PI4KA: variants seen among roughly 807,000 people sequenced by gnomAD.
The protein encoded by PI4KA is PI4-kinase alpha.
In PI4KA, 122 loss-of-function variants were observed where a neutral mutation model predicts 271.4. The ratio of observed to expected loss-of-function variants is 0.45; its 90% CI spans 0.39 to 0.52. The LOEUF (loss-of-function observed/expected upper bound fraction) is 0.52. Among genes scored for constraint, PI4KA ranks in the 20% least tolerant of loss-of-function variants. The pLI is 0.00. For synonymous variants in PI4KA, 1,041 were observed against 1,078.8 expected (o/e 0.96, Z 0.69); for missense variants, 1,969 against 2,769.1 (o/e 0.71, Z 6.48).
In PI4KA at chr22:20,714,450, T is replaced by C; in HGVS notation, c.5461+8A>G. The C allele has an allele frequency of 6.2e-7, 1 of 1,608,706 alleles. No homozygotes were observed. Among genetic ancestry groups the C allele is most frequent in the Non-Finnish European group, 8.5e-7 (1 of 1,176,654 alleles). ...AGCTCCCAAACAAAATCAGGGTTCT[T>C]TACTGACCTTCTTTTTCAAGTTCAC... On this transcript the variant is annotated splice_region_variant and intron_variant, in intron 47 of 54. Transcript: ENST00000255882.
At chr22:20,770,669 G>A (rs2147429113) in intron 19 of PI4KA, among the ~76,000 whole-genome samples, 1 of 148,790 alleles carries the variant, frequency 6.7e-6, no homozygotes. Flanking sequence ...ACAGGGCAAA[G>A]GTTCCAAAAT....
intron 7 of PI4KA, among the ~76,000 whole-genome samples, chr22:20,818,039 T>C (rs1029411588): frequency 1.3e-5 from 2 of 151,906 alleles, no homozygotes; most frequent in Non-Finnish European, 2.9e-5. Flanking sequence ...GCAAGAGAAT[T>C]GCTTGAACCC....
intron 19 of PI4KA, among the ~76,000 whole-genome samples, chr22:20,780,494 G>A (rs934018705): frequency 1.3e-5 from 2 of 152,148 alleles, no homozygotes; most frequent in African/African-American, 2.4e-5. Context: ...TGGGCTGGGC[G>A]CGGTGGCTCA....
chr22:20,799,794 C>T, intron 14 of PI4KA, 28 bp from the exon 15 acceptor site: 4 of 1,397,840 alleles, frequency 2.9e-6, no homozygotes, highest in Non-Finnish European at 3.9e-6. Context: ...CCATGTGGCA[C>T]TGAGGCATCA....
chr22:20,713,318 T>G lies in PI4KA; in HGVS notation c.5534A>C (p.Gln1845Pro). ...GTCTCCCACCTTGAAGATGGCTGCC[T>G]GCCAGGAGATCTTCTGGCCGTCGGC... ...QEADGQKISW[Q>P]AAIFKVGDDC... The change falls in exon 48 of 55, where the codon CAG (glutamine) becomes CCG (proline). Residue 1845 changes from glutamine (Q) to proline (P), a missense_variant. By Grantham distance (76) the Gln-to-Pro change is moderately conservative. This residue lies in a region of PI4KA where 388 missense variants were observed against 521.5 expected (regional missense o/e 0.74). Coordinates refer to ENST00000255882, the MANE Select transcript of PI4KA (RefSeq NM_058004.4). 1 of 1,599,604 alleles carries G rather than the reference T, an allele frequency of 6.3e-7. No homozygotes were observed. The highest frequency in any genetic ancestry group is 8.5e-7 in the Non-Finnish European group (1 of 1,172,190).
intron 14 of PI4KA, among the ~76,000 whole-genome samples, chr22:20,800,816 G>T (rs1187000447): frequency 6.7e-5 from 10 of 149,488 alleles, no homozygotes; most frequent in African/African-American, 2.2e-4. Flanking sequence ...GGAGCTTGCA[G>T]TGAGCTGAGA....
chr22:20,785,963 T>C, intron 19 of PI4KA: 1 of 1,613,968 alleles, frequency 6.2e-7, no homozygotes, highest in Non-Finnish European at 8.5e-7. Flanking sequence ...TTGTAACTTG[T>C]GGTTCAATAA....
At chr22:20,748,749 G>A (rs970481716) in intron 28 of PI4KA, among the ~76,000 whole-genome samples, 3 of 152,216 alleles carry the variant, frequency 2.0e-5, no homozygotes, top group African/African-American at 7.2e-5. Context: ...ACACTATGAC[G>A]ATGAAGAGTG....
At chr22:20,802,281 T>G (rs930605070) in intron 13 of PI4KA, among the ~76,000 whole-genome samples, 176 bp from the exon 14 acceptor site, 11 of 152,136 alleles carry the variant, frequency 7.2e-5, no homozygotes. Context: ...CAGGAAATAA[T>G]ATGTTTAAAT....
chr22:20,858,130 C>A (rs1436616058), intron 1 of PI4KA, among the ~76,000 whole-genome samples: 1 of 152,216 alleles, frequency 6.6e-6, no homozygotes, highest in Non-Finnish European at 1.5e-5. Context: ...AAAAGCATCC[C>A]CATTTTACAA....
chr22:20,763,585 A>G (rs897616709), intron 22 of PI4KA, among the ~76,000 whole-genome samples: 1 of 151,586 alleles, frequency 6.6e-6, no homozygotes, highest in African/African-American at 2.4e-5. Context: ...GACTATAGGC[A>G]CCCGCCACCA....
chr22:20,751,786 A>G (rs1381449850), intron 25 of PI4KA, 31 bp from the exon 26 acceptor site: 1 of 1,596,826 alleles, frequency 6.3e-7, no homozygotes, highest in African/African-American at 1.3e-5. Flanking sequence ...CAGGACCAAG[A>G]GCCAAACCTC....
chr22:20,837,521 T>C (rs1370720779), intron 2 of PI4KA, among the ~76,000 whole-genome samples: 2 of 152,228 alleles, frequency 1.3e-5, no homozygotes, highest in African/African-American at 4.8e-5. Flanking sequence ...AATGTACAAA[T>C]ACTGTTAAAA....
chr22:20,778,632 A>G (rs1933497345), intron 19 of PI4KA, among the ~76,000 whole-genome samples: 1 of 152,152 alleles, frequency 6.6e-6, no homozygotes, highest in Non-Finnish European at 1.5e-5. Context: ...GCCCATGGAC[A>G]TTTTTCAACA....
intron 17 of PI4KA, 143 bp downstream of exon 17, chr22:20,798,441 T>TC: frequency 2.3e-5 from 15 of 648,558 alleles, no homozygotes; most frequent in East Asian, 2.7e-5. Context: ...GGGTTTTCAC[T>TC]TCCCCCCTTA....
intron 25 of PI4KA, 130 bp from the exon 26 acceptor site, chr22:20,751,885 C>T (rs1321129548): frequency 2.7e-6 from 2 of 748,330 alleles, no homozygotes; most frequent in African/African-American, 1.7e-5. Context: ...GTCGGGAGGC[C>T]CTTGCAGCAG....
At chr22:20,729,239 T>C (rs541273151) in intron 39 of PI4KA, 74 bp downstream of exon 39, 10 of 1,345,222 alleles carry the variant, frequency 7.4e-6, no homozygotes, top group African/African-American at 7.2e-5. Flanking sequence ...TGAGAACTCA[T>C]GACCCAGCTG....
intron 1 of PI4KA, among the ~76,000 whole-genome samples, chr22:20,858,086 G>A (rs1025408425): frequency 6.6e-6 from 1 of 152,128 alleles, no homozygotes; most frequent in African/African-American, 2.4e-5. Context: ...TCGTCTCCTG[G>A]TCACCACAGT....
At chr22:20,811,466 A>C (rs1272964788) in intron 8 of PI4KA, among the ~76,000 whole-genome samples, 1 of 152,140 alleles carries the variant, frequency 6.6e-6, no homozygotes, top group Admixed American at 6.6e-5. Flanking sequence ...TCTCCGGGCC[A>C]GGTGCACTGG....
Sources: allele counts gnomAD v4.1 joint callset (sites outside exome capture counted in the v4.1 genomes callset), GRCh38; gene constraint gnomAD v4.1.1; regional missense constraint gnomAD v4.1.1; transcripts MANE v1.5; gene names NCBI Gene and HGNC (gene_info 2026-07-23, HGNC 2026-07-21).